The following COL22A1 variants were observed in gnomAD, a reference collection of about 807,000 sequenced individuals.
The protein encoded by COL22A1 is collagen alpha-1(XXII) chain.
A neutral mutation model predicts 248.9 loss-of-function variants in COL22A1; 221 were observed. The observed-to-expected ratio is 0.89, with a 90% CI of 0.80 to 0.99. The LOEUF (loss-of-function observed/expected upper bound fraction) is 0.99. Ranked by LOEUF, COL22A1 falls within the 50% of genes least tolerant of loss-of-function variation. COL22A1 has a pLI of 0.00. For synonymous variants in COL22A1, 891 were observed against 793.4 expected, an observed-to-expected ratio of 1.12 and a Z score of -2.07; for missense variants, 2,240 against 2,179.0, an observed-to-expected ratio of 1.03 and a Z score of -0.56.
At chr8:138,610,750 G>A (rs897828377) in intron 56 of COL22A1, among the ~76,000 whole-genome samples, 5 of 152,156 alleles carry the variant, frequency 3.3e-5, no homozygotes, top group African/African-American at 1.2e-4. Flanking sequence ...CACCTGTTCT[G>A]AGTACTCTCT....
Position 138,682,052 on chromosome 8 carries a change from T to C in COL22A1, c.3012+2373A>G, listed in dbSNP as rs1460260579. 3.9e-5 allele frequency among the ~76,000 whole-genome samples: 6 copies of C among 152,326 alleles called. No individual in the cohort carries two copies. In the South Asian group the frequency reaches 1.2e-3, roughly 32 times the overall value. On this transcript the variant is annotated intron_variant, in intron 39 of 64. Coordinates refer to ENST00000303045, the MANE Select transcript of COL22A1 (RefSeq NM_152888.3). ...CACATTTTCATATCTTGCATGTTATTGTAAGCAAGCCTCTCACATACAATT... is the reference window on the plus strand; with the variant it reads ...CACATTTTCATATCTTGCATGTTATCGTAAGCAAGCCTCTCACATACAATT...
At chr8:138,636,176 A>G (rs1821139816) in intron 48 of COL22A1, among the ~76,000 whole-genome samples, 1 of 152,120 alleles carries the variant, frequency 6.6e-6, no homozygotes, top group African/African-American at 2.4e-5. Flanking sequence ...CTGGGCAGAA[A>G]TCAGCTGGTT....
rs202026472 is a variant in COL22A1, at chr8:138,779,527, C to T, written c.1686G>A (p.Pro562=). 1.1e-5 allele frequency: 18 copies of T among 1,613,482 alleles called. No homozygotes were observed. Among genetic ancestry groups the T allele is most frequent in the South Asian group, 3.3e-5 (3 of 91,062 alleles). The change falls in exon 14 of 65, where the codon CCG becomes CCA. Residue 562 remains proline (P), a synonymous_variant. Coordinates refer to ENST00000303045, the MANE Select transcript of COL22A1 (RefSeq NM_152888.3). ...EPGELGEPGL[P]GEVGMRGPQG... ...CACTCACCCGCATGCCGACCTCACC[C>T]GGCAGCCCCGGCTCTCCCAGCTCTC...
At chr8:138,693,336 T>G (rs1004091898) in intron 35 of COL22A1, among the ~76,000 whole-genome samples, 1 of 152,196 alleles carries the variant, frequency 6.6e-6, no homozygotes, top group African/African-American at 2.4e-5. Context: ...TGGTTGTGCA[T>G]GTAAGCACAC....
chr8:138,820,748 A>G (rs550189739), intron 7 of COL22A1, among the ~76,000 whole-genome samples: 1 of 152,100 alleles, frequency 6.6e-6, no homozygotes, highest in Admixed American at 6.5e-5. Flanking sequence ...ATATGTATGT[A>G]TGTGTGTGTG....
chr8:138,635,114 T>C (rs951686441), intron 48 of COL22A1, 51 bp from the exon 49 acceptor site: 5 of 1,434,748 alleles, frequency 3.5e-6, no homozygotes, highest in East Asian at 2.3e-5. Context: ...AAATACTTTT[T>C]ACTTTGTGCA....
intron 30 of COL22A1, among the ~76,000 whole-genome samples, chr8:138,707,840 C>T (rs1244458223): frequency 2.6e-5 from 4 of 152,184 alleles, no homozygotes; most frequent in Non-Finnish European, 5.9e-5. Flanking sequence ...AAGAGGAAGT[C>T]AAATTGTCCC....
chr8:138,637,696 T>C (rs1467948509), intron 47 of COL22A1, among the ~76,000 whole-genome samples: 1 of 152,208 alleles, frequency 6.6e-6, no homozygotes, highest in Non-Finnish European at 1.5e-5. Flanking sequence ...AGTATCTTTG[T>C]CATGGGGTTA....
intron 27 of COL22A1, among the ~76,000 whole-genome samples, chr8:138,719,013 C>T (rs1033727275): frequency 4.6e-5 from 7 of 152,106 alleles, no homozygotes; most frequent in African/African-American, 1.4e-4. Flanking sequence ...GGGGTTCATA[C>T]AGTATAAACC....
In COL22A1 at chr8:138,811,919, G is replaced by C; in HGVS notation, c.1329C>G (p.Cys443Trp). Residue 443 changes from cysteine (C) to tryptophan (W), a missense_variant and splice_region_variant, in exon 9 of 65, where the codon TGC (cysteine) becomes TGG (tryptophan). Transcript: ENST00000303045. ...ETCCDIPSGP[C>W]QVTVVTEPPP... ...GAGGCTCTGTCACCACGGTCACCTGGCACTGGAAGGAAAGCCCAGGAGGTC... is the reference window on the plus strand; with the variant it reads ...GAGGCTCTGTCACCACGGTCACCTGCCACTGGAAGGAAAGCCCAGGAGGTC... 3.9e-6 allele frequency: 6 copies of C among 1,547,034 alleles called. No homozygotes were observed. The highest frequency in any genetic ancestry group is 5.2e-6 in the Non-Finnish European group (6 of 1,146,180).
At chr8:138,745,641 G>T (rs971265167) in intron 22 of COL22A1, among the ~76,000 whole-genome samples, 3 of 152,106 alleles carry the variant, frequency 2.0e-5, no homozygotes, top group African/African-American at 7.2e-5. Context: ...TCTCAAATAA[G>T]AAAAATATCA....
intron 50 of COL22A1, among the ~76,000 whole-genome samples, chr8:138,627,029 T>G (rs1820301428): frequency 6.6e-6 from 1 of 152,188 alleles, no homozygotes; most frequent in Non-Finnish European, 1.5e-5. Flanking sequence ...TGCCAGGTTT[T>G]ACATTCTAAT....
chr8:138,883,138 A>C lies in COL22A1; in HGVS notation c.35T>G (p.Leu12Arg). Residue 12 changes from leucine to arginine, a missense_variant, in exon 2 of 65, where the codon CTC (leucine) becomes CGC (arginine). Coordinates refer to ENST00000303045, the MANE Select transcript of COL22A1 (RefSeq NM_152888.3). Reference sequence around the variant, plus strand: ...ACTCCACAGCAGCAGCATCCAGAGGAGGCCAGCCACAGCGTTCCCTCGGAG... The same window carrying C: ...ACTCCACAGCAGCAGCATCCAGAGGCGGCCAGCCACAGCGTTCCCTCGGAG... ...AGLRGNAVAG[L>R]LWMLLLWSGG... is the part of the protein sequence containing the mutation. 8 of 1,597,942 alleles carry C rather than the reference A, an allele frequency of 5.0e-6. No individual in the cohort carries two copies. The highest frequency in any genetic ancestry group is 6.8e-6 in the Non-Finnish European group (8 of 1,173,146).
intron 7 of COL22A1, among the ~76,000 whole-genome samples, chr8:138,817,036 C>T (rs183278660): frequency 2.6e-5 from 4 of 152,210 alleles, no homozygotes; most frequent in African/African-American, 9.7e-5. Context: ...ATAGCTCTGA[C>T]AGGTGTGAGT....
At chr8:138,786,088 C>A (rs1045368634) in intron 12 of COL22A1, among the ~76,000 whole-genome samples, 1 of 152,196 alleles carries the variant, frequency 6.6e-6, no homozygotes, top group Non-Finnish European at 1.5e-5. Context: ...TGTCGAAGTG[C>A]TCTGAGTCTT....
rs150145663 is a variant in COL22A1, at chr8:138,685,787, G to A, written c.2863-475C>T. Among the ~76,000 whole-genome samples, 18 of 152,280 alleles carry A rather than the reference G, an allele frequency of 1.2e-4. No individual in the cohort carries two copies. In the East Asian group the frequency reaches 3.3e-3, roughly 28 times the overall value. The stretch of plus-strand genomic sequence containing the variant: ...CCAACACCTTGACTGAGGACTTCCA[G>A]CCTCCAAAACTGGGAGAAAGTACAT... On this transcript the variant is annotated intron_variant, in intron 37 of 64. Transcript: ENST00000303045.
chr8:138,813,691 C>T (rs13255683), intron 7 of COL22A1, among the ~76,000 whole-genome samples: 8 of 15,500 alleles, frequency 5.2e-4, no homozygotes, highest in South Asian at 5.0e-3. Context: ...TCCAGCGTTT[C>T]GTTCTACACT....
At chr8:138,908,417 A>G (rs1815186562) in intron 1 of COL22A1, among the ~76,000 whole-genome samples, 1 of 152,254 alleles carries the variant, frequency 6.6e-6, no homozygotes. Flanking sequence ...TAAATTTAAA[A>G]CATTCTAACA....
At chr8:138,788,294 A>T (rs1015689113) in intron 12 of COL22A1, among the ~76,000 whole-genome samples, 4 of 152,216 alleles carry the variant, frequency 2.6e-5, no homozygotes, top group African/African-American at 9.6e-5. Context: ...AGCATGACAA[A>T]TGCAGGCTGT....
Sources: allele counts gnomAD v4.1 joint callset (sites outside exome capture counted in the v4.1 genomes callset), GRCh38; gene constraint gnomAD v4.1.1; transcripts MANE v1.5; gene names NCBI Gene and HGNC (gene_info 2026-07-23, HGNC 2026-07-21).